The following CDK10 variants were observed in gnomAD, a reference collection of about 807,000 sequenced individuals.
The protein encoded by CDK10 is cyclin-dependent kinase 10.
A neutral mutation model predicts 51.0 loss-of-function variants in CDK10; 55 were observed. That is an observed-to-expected ratio of 1.08 (90% confidence interval 0.87 to 1.35). The LOEUF is 1.35. CDK10 is among the 40% of genes most tolerant of loss of function. The pLI is 0.00. For synonymous variants in CDK10, 255 were observed against 199.1 expected (o/e 1.28, Z -2.36); for missense variants, 589 against 485.1 (o/e 1.21, Z -2.01).
chr16:89,691,885 C>T lies in CDK10; in HGVS notation c.415C>T (p.Gln139Ter). Residue 139 changes from glutamine to a stop codon, truncating the protein, a stop_gained and splice_region_variant, in exon 5 of 13, where the codon CAG becomes TAG. Coordinates refer to ENST00000353379, the MANE Select transcript of CDK10 (RefSeq NM_052988.5). LOFTEE classifies it high-confidence loss of function. ...ENMPTPFSEAQVKCIVLQVLR... is the reference protein window; with the variant it reads ...ENMPTPFSEA ...TATGCCAACACCCTTCTCGGAGGCT[C>T]AGGTGCGTGGCAGAGGGGCCTGGGG... The T allele has an allele frequency of 1.2e-6, 2 of 1,613,734 alleles. No individual in the cohort carries two copies. Among genetic ancestry groups the T allele is most frequent in the Non-Finnish European group, 1.7e-6 (2 of 1,179,830 alleles).
intron 2 of CDK10, 92 bp from the exon 3 acceptor site, chr16:89,690,461 C>A: frequency 9.4e-7 from 1 of 1,059,872 alleles, no homozygotes; most frequent in Non-Finnish European, 1.5e-6. Flanking sequence ...AGAACGGGGA[C>A]CCCTGTGGCT....
Position 89,692,077 on chromosome 16 carries a change from C to T in CDK10, c.417+190C>T, listed in dbSNP as rs1597855786. 34 of 616,592 alleles carry T rather than the reference C, an allele frequency of 5.5e-5. No homozygotes were observed. In the East Asian group the frequency reaches 9.4e-4, roughly 17 times the overall value. The allele number at this position is 616,592 out of a possible 1,614,324, so 38.2% of individuals were successfully genotyped here. A position where few individuals can be genotyped will look rare whatever the true frequency, so the allele number is the denominator to read the frequency against. ...GGGCATCTGCTGGGAGCGGGCAGCC[C>T]CAGGGCCGAGAGCCTTATGAGGGCA... On this transcript the variant is annotated intron_variant, in intron 5 of 12. Transcript: ENST00000353379.
intron 1 of CDK10, chr16:89,687,400 C>G (rs1276085158): frequency 4.5e-6 from 2 of 440,758 alleles, no homozygotes; most frequent in Admixed American, 4.7e-5. Context: ...TAACTGCTGG[C>G]TGGTGCTCTG....
intron 8 of CDK10, 64 bp from the exon 9 acceptor site, chr16:89,694,109 C>A: frequency 6.6e-7 from 1 of 1,523,220 alleles, no homozygotes; most frequent in Non-Finnish European, 9.1e-7. Flanking sequence ...GAGGCTGTGT[C>A]CTGTGGAGGC....
At chr16:89,694,310 A>C (rs2060594285) in intron 9 of CDK10, 78 bp downstream of exon 9, 13 of 1,436,042 alleles carry the variant, frequency 9.1e-6, no homozygotes, top group Non-Finnish European at 1.3e-5. Context: ...TCCTGAGCTC[A>C]GCCTCAGGGG....
chr16:89,695,179 G>A lies in CDK10; in HGVS notation c.932+109G>A, dbSNP rs937142223. 2.2e-5 allele frequency: 33 copies of A among 1,533,608 alleles called. No individual in the cohort carries two copies. The Admixed American group carries it at 3.2e-4, about 15-fold the overall frequency. ...GAGAGGCCCCTCCCCAGGCACAGCC[G>A]CTCGGAGTGGCCACCTGGCTTCCTT... On this transcript the variant is annotated intron_variant, in intron 11 of 12. Transcript: ENST00000353379.
rs768195610 is a variant in CDK10, at chr16:89,695,703, G to A, written c.*11G>A. ...CGCTGTAAACCCTGACGGTGGGCCT[G>A]GCACACGCCTGTATTCCCACACCAG... On this transcript the variant is annotated 3_prime_UTR_variant, in exon 13 of 13. Transcript: ENST00000353379. 4.0e-5 allele frequency: 63 copies of A among 1,591,896 alleles called. No individual in the cohort carries two copies. The highest frequency in any genetic ancestry group is 5.1e-5 in the Non-Finnish European group (60 of 1,171,796).
At chr16:89,689,022 C>G (rs986114506) in intron 1 of CDK10, among the ~76,000 whole-genome samples, 1 of 152,176 alleles carries the variant, frequency 6.6e-6, no homozygotes, top group Non-Finnish European at 1.5e-5. Context: ...ATCACTTGAA[C>G]CCAGGAGGCG....
Position 89,691,793 on chromosome 16 carries a change from C to G in CDK10, c.336-13C>G. 1 of 1,613,334 alleles carries G rather than the reference C, an allele frequency of 6.2e-7. No homozygotes were observed. Among genetic ancestry groups the G allele is most frequent in the Non-Finnish European group, 8.5e-7 (1 of 1,179,342 alleles). On this transcript the variant is annotated splice_polypyrimidine_tract_variant and intron_variant, in intron 4 of 12. Transcript: ENST00000353379. ...AAGGCCGGAGAGTGGCATGCATCTT[C>G]TGTTTCTTCCAGCATCTTCCTGGTG... is the stretch of plus-strand genomic sequence containing the variant.
rs2060718229 is a variant in CDK10 at position 89,696,331 on chromosome 16, T to C, written c.*639T>C. The C allele has an allele frequency of 5.1e-6, 1 of 195,168 alleles. No individual in the cohort carries two copies. Among genetic ancestry groups the C allele is most frequent in the African/African-American group, 2.3e-5 (1 of 42,778 alleles). The allele number at this position is 195,168 out of a possible 1,614,324, so 12.1% of individuals were successfully genotyped here. A position where few individuals can be genotyped will look rare whatever the true frequency, so the allele number is the denominator to read the frequency against. On this transcript the variant is annotated 3_prime_UTR_variant, in exon 13 of 13. Coordinates refer to ENST00000353379, the MANE Select transcript of CDK10 (RefSeq NM_052988.5). ...TGCTGAGCGAAGCTATAGGCTCTTG[T>C]TGGATAAAAGCTTTTTTAACAGACA...
At chr16:89,692,720 C>G in intron 6 of CDK10, 1 of 419,938 alleles carries the variant, frequency 2.4e-6, no homozygotes, top group East Asian at 3.8e-5. Flanking sequence ...CTCAAGTGAT[C>G]CACCCACCTT....
chr16:89,686,723 G>C lies in CDK10; in HGVS notation c.13G>C (p.Asp5His), dbSNP rs1473070035. 2.5e-6 allele frequency: 4 copies of C among 1,606,862 alleles called. No individual in the cohort carries two copies. The highest frequency in any genetic ancestry group is 1.7e-5 in the Admixed American group (1 of 59,390). MAEP[D>H]LECEQIRLKC... ...GCCAGCGCTCGGCATGGCGGAGCCAGATCTGGAGTGCGAGCAGATCCGTCT... is the reference window on the plus strand; with the variant it reads ...GCCAGCGCTCGGCATGGCGGAGCCACATCTGGAGTGCGAGCAGATCCGTCT... Residue 5 changes from aspartate (D) to histidine (H), a missense_variant, in exon 1 of 13, where the codon GAT (aspartate) becomes CAT (histidine). Transcript: ENST00000353379.
In CDK10 at chr16:89,694,696, G is replaced by A. The variant is rs1207559856; in HGVS notation, c.700G>A (p.Ala234Thr). 6.3e-7 allele frequency: 1 copy of A among 1,588,676 alleles called. No individual in the cohort carries two copies. The highest frequency in any genetic ancestry group is 8.6e-7 in the Non-Finnish European group (1 of 1,168,302). ...AVGCILAELL[A>T]HRPLLPGTSE... ...GGGCTGCATACTGGCCGAGCTGCTG[G>A]CGCACAGGCCTCTTCTCCCCGGCAC... Residue 234 changes from alanine (A) to threonine (T), a missense_variant, in exon 10 of 13, where the codon GCG (alanine) becomes ACG (threonine). Coordinates refer to ENST00000353379, the MANE Select transcript of CDK10 (RefSeq NM_052988.5).
In CDK10 at chr16:89,695,714, G is replaced by A. The variant is rs1267728320; in HGVS notation, c.*22G>A. 6.3e-7 allele frequency: 1 copy of A among 1,591,276 alleles called. No homozygotes were observed. The highest frequency in any genetic ancestry group is 2.3e-5 in the East Asian group (1 of 43,902). ...CTGACGGTGGGCCTGGCACACGCCTGTATTCCCACACCAGGTCTTCCGATC... is the reference window on the plus strand; with the variant it reads ...CTGACGGTGGGCCTGGCACACGCCTATATTCCCACACCAGGTCTTCCGATC... On this transcript the variant is annotated 3_prime_UTR_variant, in exon 13 of 13. Transcript: ENST00000353379.
chr16:89,694,578 A>G, intron 9 of CDK10, 87 bp from the exon 10 acceptor site: 1 of 1,538,640 alleles, frequency 6.5e-7, no homozygotes, highest in South Asian at 1.2e-5. Flanking sequence ...GGGTCAGCAA[A>G]GGTCTGGCTG....
Position 89,690,641 on chromosome 16 carries a change from G to C in CDK10, c.232+17G>C. 1 of 1,609,422 alleles carries C rather than the reference G, an allele frequency of 6.2e-7. No homozygotes were observed. On this transcript the variant is annotated intron_variant, in intron 3 of 12. Transcript: ENST00000353379. ...AGAAGGATGGTGAGCAGGAAATTGG[G>C]GTGTTGGGACCTCGCACTGGGAGGA...
In CDK10 at chr16:89,691,744, G is replaced by C; in HGVS notation, c.336-62G>C. ...CCATGTCCCCTCCTGCAGCAGGGGA[G>C]GCTCCACTTCCACCCCTTAGGAGAA... On this transcript the variant is annotated intron_variant, in intron 4 of 12. Transcript: ENST00000353379. The C allele has an allele frequency of 4.0e-6, 6 of 1,499,518 alleles. No individual in the cohort carries two copies. The South Asian group carries it at 5.6e-5, about 14-fold the overall frequency. The allele number at this position is 1,499,518 out of a possible 1,614,324, so 92.9% of individuals were successfully genotyped here. A position where few individuals can be genotyped will look rare whatever the true frequency, so the allele number is the denominator to read the frequency against.
chr16:89,690,769 C>T, intron 3 of CDK10, 145 bp downstream of exon 3: 1 of 718,716 alleles, frequency 1.4e-6, no homozygotes, highest in Admixed American at 2.0e-5. Context: ...CAGCACATCA[C>T]CCCCAGGTCC....
intron 8 of CDK10, 117 bp downstream of exon 8, chr16:89,693,584 G>C: frequency 2.0e-6 from 2 of 1,011,070 alleles, no homozygotes; most frequent in South Asian, 1.4e-5. Context: ...TACAGGGTCT[G>C]TGCACACTCA....
Sources: gnomAD v4.1 joint callset for allele counts (sites outside exome capture counted in the v4.1 genomes callset) on GRCh38, gnomAD v4.1.1 for gene constraint, MANE v1.5 for transcripts, NCBI Gene and HGNC (gene_info 2026-07-23, HGNC 2026-07-21) for gene names.